The following MGAT4C variants were observed in gnomAD, a reference collection of about 807,000 sequenced individuals.
The protein encoded by MGAT4C is alpha-1,3-mannosyl-glycoprotein 4-beta-N-acetylglucosaminyltransferase C.
A neutral mutation model predicts 40.1 loss-of-function variants in MGAT4C; 19 were observed. The ratio of observed to expected loss-of-function variants is 0.47; its 90% confidence interval spans 0.33 to 0.70. The LOEUF is 0.70. Among genes scored for constraint, MGAT4C ranks in the 30% least tolerant of loss-of-function variants. The pLI, the probability that MGAT4C is intolerant of heterozygous loss-of-function variation, is 0.02. For missense variants in MGAT4C, 491 were observed against 563.2 expected (o/e 0.87, Z 1.30); for synonymous variants, 181 against 187.1 (o/e 0.97, Z 0.27).
At chr12:86,101,650 C>A (rs370098284) in intron 1 of MGAT4C, among the ~76,000 whole-genome samples, 1 of 151,800 alleles carries the variant, frequency 6.6e-6, no homozygotes, top group East Asian at 1.9e-4. Context: ...ACTTTACAAT[C>A]ATCTATGTAG....
chr12:86,687,225 C>T (rs1174208311), intron 2 of MGAT4C, among the ~76,000 whole-genome samples: 1 of 151,986 alleles, frequency 6.6e-6, no homozygotes, highest in African/African-American at 2.4e-5. Context: ...ATTCTTCTTT[C>T]TTTTCTTCTT....
chr12:86,332,372 T>C (rs1954688159), intron 4 of MGAT4C, among the ~76,000 whole-genome samples: 1 of 151,538 alleles, frequency 6.6e-6, no homozygotes, highest in African/African-American at 2.4e-5. Context: ...AATAATAAAA[T>C]GAAGAACGGA....
chr12:86,509,414 A>G (rs1212285250), intron 2 of MGAT4C, among the ~76,000 whole-genome samples: 3 of 152,028 alleles, frequency 2.0e-5, no homozygotes, highest in Non-Finnish European at 4.4e-5. Context: ...TGTTCCATTG[A>G]TCTATATCTC....
intron 1 of MGAT4C, among the ~76,000 whole-genome samples, chr12:86,159,905 G>A (rs936608797): frequency 1.7e-4 from 26 of 152,048 alleles, no homozygotes; most frequent in African/African-American, 4.3e-4. Context: ...ATTTCTGATC[G>A]GGCTTTACTT....
chr12:86,054,818 G>A (rs764264982), intron 1 of MGAT4C, among the ~76,000 whole-genome samples: 38 of 151,678 alleles, frequency 2.5e-4, no homozygotes, highest in Non-Finnish European at 5.3e-4. Context: ...GTGAAGTGTG[G>A]GCCTCTCATT....
Position 86,655,909 on chromosome 12 carries a change from C to A in MGAT4C, c.-229+71300G>T, listed in dbSNP as rs899198266. The stretch of plus-strand genomic sequence containing the variant: ...ACACGAGGAGGGTTGAATTTGAATT[C>A]TGGGTCTGATGCTCACGAGTTGTGT... On this transcript the variant is annotated intron_variant, in intron 2 of 7. Transcript: ENST00000548651. Among the ~76,000 whole-genome samples the A allele has an allele frequency of 7.9e-5, 12 of 152,112 alleles. No homozygotes were observed. The South Asian group carries it at 2.5e-3, about 32-fold the overall frequency.
intron 2 of MGAT4C, among the ~76,000 whole-genome samples, chr12:86,505,225 T>C (rs2136340081): frequency 6.6e-6 from 1 of 152,186 alleles, no homozygotes; most frequent in African/African-American, 2.4e-5. Flanking sequence ...AAATCCTGGC[T>C]AGATATTTGC....
chr12:86,454,889 C>T (rs1181268846), intron 2 of MGAT4C, among the ~76,000 whole-genome samples: 1 of 152,018 alleles, frequency 6.6e-6, no homozygotes, highest in Non-Finnish European at 1.5e-5. Flanking sequence ...TATGTTGTTT[C>T]TTTCTCTTAA....
intron 2 of MGAT4C, among the ~76,000 whole-genome samples, chr12:86,710,939 A>C (rs2136631001): frequency 6.6e-6 from 1 of 152,278 alleles, no homozygotes; most frequent in South Asian, 2.1e-4. Context: ...CAGGAACGGA[A>C]AACCAAATAT....
chr12:86,173,363 G>C (rs1018606907), intron 1 of MGAT4C, among the ~76,000 whole-genome samples: 5 of 152,022 alleles, frequency 3.3e-5, no homozygotes, highest in Non-Finnish European at 5.9e-5. Flanking sequence ...TATATTTTTA[G>C]AAATGCTGAT....
chr12:86,277,430 T>G (rs778956035), intron 4 of MGAT4C, among the ~76,000 whole-genome samples: 18 of 152,198 alleles, frequency 1.2e-4, no homozygotes, highest in Non-Finnish European at 2.2e-4. Context: ...TTGTTTTGAT[T>G]GCCTGTGCTT....
chr12:86,654,610 T>A (rs1963789013), intron 2 of MGAT4C, among the ~76,000 whole-genome samples: 1 of 151,994 alleles, frequency 6.6e-6, no homozygotes, highest in African/African-American at 2.4e-5. Context: ...CTTTATGGAA[T>A]CTTTCTTTAG....
intron 1 of MGAT4C, among the ~76,000 whole-genome samples, chr12:86,825,918 A>T (rs111332536): frequency 6.6e-6 from 1 of 151,472 alleles, no homozygotes; most frequent in African/African-American, 2.4e-5. Context: ...AAAGAGAATA[A>T]AATAATTTTC....
chr12:86,267,549 A>G (rs1952819434), intron 4 of MGAT4C, among the ~76,000 whole-genome samples: 1 of 152,212 alleles, frequency 6.6e-6, no homozygotes, highest in Non-Finnish European at 1.5e-5. Flanking sequence ...TAGATTTATT[A>G]AATCTGTATA....
At chr12:86,522,436 T>A (rs1485279949) in intron 2 of MGAT4C, among the ~76,000 whole-genome samples, 1 of 152,206 alleles carries the variant, frequency 6.6e-6, no homozygotes, top group Non-Finnish European at 1.5e-5. Context: ...CAACTTTGCA[T>A]CCCAGAGATA....
rs1298740557 is a variant in MGAT4C, at chr12:86,664,886, A to G, written c.-229+62323T>C. Among the ~76,000 whole-genome samples, 4 of 152,288 alleles carry G rather than the reference A, an allele frequency of 2.6e-5. No homozygotes were observed. The South Asian group carries it at 8.3e-4, about 32-fold the overall frequency. On this transcript the variant is annotated intron_variant, in intron 2 of 7. Transcript: ENST00000548651. ...CTTTTTTTTGGATAGAATCAGACAC[A>G]TTATTCAACTATCATAGGTCATCTA...
intron 2 of MGAT4C, among the ~76,000 whole-genome samples, chr12:86,556,922 T>C (rs2136403317): frequency 6.6e-6 from 1 of 152,260 alleles, no homozygotes; most frequent in Non-Finnish European, 1.5e-5. Flanking sequence ...CAGTTGATTT[T>C]ATTCGACTAT....
intron 2 of MGAT4C, among the ~76,000 whole-genome samples, chr12:86,615,355 C>T (rs1962414822): frequency 6.6e-6 from 1 of 151,914 alleles, no homozygotes; most frequent in Non-Finnish European, 1.5e-5. Flanking sequence ...TTGGAGGGTG[C>T]TTAAGAAGAC....
intron 1 of MGAT4C, among the ~76,000 whole-genome samples, chr12:86,234,847 T>G (rs1951465379): frequency 6.6e-6 from 1 of 151,976 alleles, no homozygotes; most frequent in African/African-American, 2.4e-5. Context: ...TCTCAGTTTT[T>G]GTTTTTGTTT....
Sources: gnomAD v4.1 joint callset for allele counts (sites outside exome capture counted in the v4.1 genomes callset) on GRCh38, gnomAD v4.1.1 for gene constraint, MANE v1.5 for transcripts, NCBI Gene and HGNC (gene_info 2026-07-23, HGNC 2026-07-21) for gene names.